The following PDE1C variants were observed in gnomAD, a reference collection of about 807,000 sequenced individuals.
The protein encoded by PDE1C is dual specificity calcium/calmodulin-dependent 3',5'-cyclic nucleotide phosphodiesterase 1C.
PDE1C carries 62 observed loss-of-function variants against 93.1 expected under a neutral mutation model. That is an observed-to-expected ratio of 0.67 (90% CI 0.54 to 0.82). The LOEUF (loss-of-function observed/expected upper bound fraction) is 0.82, where lower values mean the gene tolerates loss of function less well. PDE1C is among the 40% of genes least tolerant of loss of function. The probability of loss-of-function intolerance (pLI) is 0.00; values close to 1 mark genes in which losing one functional copy is unlikely to be tolerated. For missense variants in PDE1C, 742 were observed against 884.6 expected (o/e 0.84, Z 2.04); for synonymous variants, 325 against 310.1 (o/e 1.05, Z -0.50).
the PDE1C span, among the ~76,000 whole-genome samples, chr7:31,664,041 A>G: frequency 1.3e-5 from 2 of 152,228 alleles, no homozygotes; most frequent in Admixed American, 1.3e-4. Context: ...ACAGAAGCTT[A>G]CAGAGATTAA....
At chr7:31,690,594 T>C in the PDE1C span, among the ~76,000 whole-genome samples, 2 of 152,212 alleles carry the variant, frequency 1.3e-5, no homozygotes, top group African/African-American at 4.8e-5. Context: ...CTTTTTAGTT[T>C]AAGAGCTGAG....
intron 11 of PDE1C, 109 bp downstream of exon 11, chr7:31,837,071 C>T (rs1044726252): frequency 8.8e-7 from 1 of 1,131,148 alleles, no homozygotes. Flanking sequence ...CCCCTCCCCT[C>T]TCCAAAATTA....
At chr7:32,010,047 C>T (rs1163424608) in intron 2 of PDE1C, among the ~76,000 whole-genome samples, 1 of 152,162 alleles carries the variant, frequency 6.6e-6, no homozygotes, top group Non-Finnish European at 1.5e-5. Context: ...TGTTGAGATA[C>T]ACCTATGTTT....
rs2128755320 is a variant in PDE1C at position 32,110,641 on chromosome 7, T to C, written c.308+59144A>G. Among the ~76,000 whole-genome samples the C allele has an allele frequency of 2.0e-5, 3 of 152,238 alleles. No homozygotes were observed. In the Middle Eastern group the frequency reaches 0.01, roughly 518 times the overall value. On this transcript the variant is annotated intron_variant, in intron 3 of 18. Coordinates refer to the PDE1C transcript ENST00000396193. ...CTGATTAAGCCACAGAGATGGGTGG[T>C]GTTTTCTGAGCGTTGAATTCTGAGA...
At chr7:32,341,596 A>G (rs1783758616) in intron 1 of PDE1C, among the ~76,000 whole-genome samples, 1 of 152,126 alleles carries the variant, frequency 6.6e-6, no homozygotes, top group African/African-American at 2.4e-5. Flanking sequence ...ACAGAACAGG[A>G]GCTAATTTGG....
chr7:32,269,701 A>G (rs1488387370), intron 1 of PDE1C, among the ~76,000 whole-genome samples: 1 of 152,150 alleles, frequency 6.6e-6, no homozygotes, highest in Non-Finnish European at 1.5e-5. Flanking sequence ...GCTGGTCTCA[A>G]ACTCCTGGCC....
chr7:32,272,461 A>G (rs1811032908), intron 1 of PDE1C, among the ~76,000 whole-genome samples: 1 of 152,176 alleles, frequency 6.6e-6, no homozygotes, highest in African/African-American at 2.4e-5. Context: ...AATTCTGGAA[A>G]CTCTAAACAT....
At chr7:32,222,895 A>C (rs1806980795) in intron 1 of PDE1C, among the ~76,000 whole-genome samples, 1 of 152,156 alleles carries the variant, frequency 6.6e-6, no homozygotes, top group African/African-American at 2.4e-5. Flanking sequence ...CACAAAATTC[A>C]TCAGGACAAA....
chr7:32,388,403 A>G (rs972997156), intron 1 of PDE1C, among the ~76,000 whole-genome samples: 1 of 152,202 alleles, frequency 6.6e-6, no homozygotes, highest in Non-Finnish European at 1.5e-5. Context: ...CCACATGAAC[A>G]TGGAAGAACA....
At chr7:32,188,203 A>G (rs947653513) in intron 2 of PDE1C, among the ~76,000 whole-genome samples, 2 of 82,226 alleles carry the variant, frequency 2.4e-5, no homozygotes, top group African/African-American at 9.6e-5. Flanking sequence ...TGTTGCTAGT[A>G]TATATGAAAT....
intron 1 of PDE1C, among the ~76,000 whole-genome samples, chr7:32,314,664 T>G (rs1345175311): frequency 6.6e-6 from 1 of 152,148 alleles, no homozygotes; most frequent in African/African-American, 2.4e-5. Flanking sequence ...GAGTTAGGTT[T>G]TCTTACTGTG....
chr7:31,663,187 T>C, the PDE1C span, among the ~76,000 whole-genome samples: 3 of 152,212 alleles, frequency 2.0e-5, no homozygotes, highest in Non-Finnish European at 4.4e-5. Flanking sequence ...AACTGTGGCT[T>C]TGGATTCCCT....
intron 1 of PDE1C, among the ~76,000 whole-genome samples, chr7:32,320,588 G>C (rs1032927542): frequency 2.0e-5 from 3 of 151,862 alleles, no homozygotes; most frequent in Non-Finnish European, 4.4e-5. Context: ...ACTTTCAACT[G>C]CATGTGCCCC....
chr7:32,007,693 A>G (rs879729011), intron 2 of PDE1C, among the ~76,000 whole-genome samples: 4 of 152,190 alleles, frequency 2.6e-5, no homozygotes, highest in African/African-American at 4.8e-5. Context: ...CATAGCATTG[A>G]GCACAACTAG....
At chr7:31,948,111 C>T (rs1216547685) in intron 2 of PDE1C, among the ~76,000 whole-genome samples, 1 of 152,238 alleles carries the variant, frequency 6.6e-6, no homozygotes, top group Admixed American at 6.5e-5. Context: ...TCCTCGATCA[C>T]AGCTTCTCTC....
At chr7:32,139,542 G>A (rs10249503) in intron 3 of PDE1C, among the ~76,000 whole-genome samples, 26 of 152,184 alleles carry the variant, frequency 1.7e-4, no homozygotes, top group Non-Finnish European at 3.5e-4. Flanking sequence ...AAGGTTTGAC[G>A]TACTCAGATG....
chr7:31,688,758 T>C, the PDE1C span, among the ~76,000 whole-genome samples: 1 of 152,206 alleles, frequency 6.6e-6, no homozygotes, highest in Non-Finnish European at 1.5e-5. Flanking sequence ...AAATCTGAAA[T>C]CCTGAAATCC....
intron 3 of PDE1C, among the ~76,000 whole-genome samples, chr7:31,880,309 G>A (rs181880834): frequency 3.3e-5 from 5 of 152,284 alleles, no homozygotes; most frequent in Admixed American, 6.5e-5. Context: ...ACTGAAGAGG[G>A]AATGCTGGGT....
chr7:32,298,764 A>C, exon 1 of PDE1C: 1 of 1,563,704 alleles, frequency 6.4e-7, no homozygotes, highest in Admixed American at 1.9e-5. Context: ...GGGGCCTCGC[A>C]GCGAGACCAG....
Sources: gnomAD v4.1 joint callset for allele counts (sites outside exome capture counted in the v4.1 genomes callset) on GRCh38, gnomAD v4.1.1 for gene constraint, MANE v1.5 for transcripts, NCBI Gene and HGNC (gene_info 2026-07-23, HGNC 2026-07-21) for gene names.